Variants in ABCA13 observed in about 807,000 individuals in gnomAD.
ABCA13 encodes ATP-binding cassette sub-family A member 13.
ABCA13 carries 476 observed loss-of-function variants against 478.7 expected under a neutral mutation model. The observed-to-expected ratio is 0.99, with a 90% CI of 0.92 to 1.07. ABCA13 has a LOEUF of 1.07. ABCA13 is among the 50% of genes least tolerant of loss of function. ABCA13 has a pLI of 0.00. For synonymous variants in ABCA13, 2,252 were observed against 2,158.9 expected, an observed-to-expected ratio of 1.04 and a Z score of -1.20; for missense variants, 6,060 against 5,910.6, an observed-to-expected ratio of 1.03 and a Z score of -0.83.
At chr7:48,507,376 C>T (rs1315493751) in intron 49 of ABCA13, among the ~76,000 whole-genome samples, 1 of 152,146 alleles carries the variant, frequency 6.6e-6, no homozygotes, top group Non-Finnish European at 1.5e-5. Flanking sequence ...AGAAAATGTA[C>T]AGTGTATAAT....
chr7:48,382,848 C>T (rs1176704781), intron 35 of ABCA13, among the ~76,000 whole-genome samples: 1 of 151,912 alleles, frequency 6.6e-6, no homozygotes, highest in Non-Finnish European at 1.5e-5. Context: ...GTCCCTCGTA[C>T]CACTAGAGGG....
chr7:48,370,514 A>G (rs563254454), intron 32 of ABCA13, among the ~76,000 whole-genome samples: 1 of 152,294 alleles, frequency 6.6e-6, no homozygotes, highest in East Asian at 1.9e-4. Flanking sequence ...GTTCAGTATA[A>G]TGTTGGCTGT....
chr7:48,593,415 C>T (rs1284376254), intron 57 of ABCA13, among the ~76,000 whole-genome samples: 2 of 151,516 alleles, frequency 1.3e-5, no homozygotes, highest in African/African-American at 4.8e-5. Context: ...TTCCAACCAT[C>T]TCATTTTATG....
chr7:48,348,582 T>C (rs7784325), intron 29 of ABCA13, among the ~76,000 whole-genome samples: 19,601 of 152,242 alleles, frequency 0.13, 1,441 homozygotes, highest in East Asian at 0.31. Flanking sequence ...CTTCAGGCTC[T>C]ACCAAATTGG....
intron 53 of ABCA13, among the ~76,000 whole-genome samples, 162 bp from the exon 54 acceptor site, chr7:48,524,086 T>A (rs1290001317): frequency 1.3e-5 from 2 of 152,208 alleles, no homozygotes; most frequent in Non-Finnish European, 2.9e-5. Context: ...TCTTGCCTGA[T>A]AATCAGGATG....
At chr7:48,436,336 A>C (rs536008426) in intron 42 of ABCA13, among the ~76,000 whole-genome samples, 1 of 151,824 alleles carries the variant, frequency 6.6e-6, no homozygotes, top group East Asian at 1.9e-4. Flanking sequence ...CTATTGTTAT[A>C]ATCTTTTTGT....
chr7:48,434,101 A>C lies in ABCA13; in HGVS notation c.12565+6230A>C, dbSNP rs559763951. ...TTGAGAAATTGCTGTATCATTTTCC[A>C]CAGTGGTTGCACCATTTTACATTCC... On this transcript the variant is annotated intron_variant, in intron 42 of 61. Transcript: ENST00000435803. 2.0e-5 allele frequency among the ~76,000 whole-genome samples: 3 copies of C among 152,098 alleles called. No homozygotes were observed. In the East Asian group the frequency reaches 5.8e-4, roughly 29 times the overall value.
At chr7:48,539,516 A>G (rs117203933) in intron 55 of ABCA13, among the ~76,000 whole-genome samples, 244 of 152,252 alleles carry the variant, frequency 1.6e-3, no homozygotes, top group Admixed American at 5.4e-3. Context: ...TTATTTACCC[A>G]GTTTTCACAA....
chr7:48,183,692 T>TC (rs1276149620), intron 1 of ABCA13, among the ~76,000 whole-genome samples: 3 of 152,192 alleles, frequency 2.0e-5, no homozygotes, highest in South Asian at 2.1e-4. Flanking sequence ...CACTGCTATT[T>TC]CCCCAGTCCC....
At chr7:48,327,059 A>G (rs1197108187) in intron 27 of ABCA13, among the ~76,000 whole-genome samples, 1 of 152,228 alleles carries the variant, frequency 6.6e-6, no homozygotes, top group African/African-American at 2.4e-5. Flanking sequence ...CTCTTTATTG[A>G]GCACTTACTT....
intron 25 of ABCA13, 55 bp downstream of exon 25, chr7:48,313,286 AT>A (rs1802049572): frequency 1.3e-6 from 2 of 1,527,204 alleles, no homozygotes; most frequent in African/African-American, 2.8e-5. Flanking sequence ...CCTTCTTTGT[AT>A]TTGCCCCTTT....
At chr7:48,347,824 C>T (rs772351697) in intron 29 of ABCA13, among the ~76,000 whole-genome samples, 72 of 152,164 alleles carry the variant, frequency 4.7e-4, no homozygotes, top group Non-Finnish European at 9.0e-4. Flanking sequence ...TATTAATAAC[C>T]GTTATACTAG....
chr7:48,640,480 C>T (rs1375309516), intron 59 of ABCA13, among the ~76,000 whole-genome samples: 1 of 151,968 alleles, frequency 6.6e-6, no homozygotes, highest in East Asian at 1.9e-4. Context: ...AATGTTGTAC[C>T]TCAAAAAATT....
At chr7:48,206,763 T>A (rs1270900203) in intron 3 of ABCA13, among the ~76,000 whole-genome samples, 1 of 150,944 alleles carries the variant, frequency 6.6e-6, no homozygotes, top group South Asian at 2.1e-4. Context: ...ATATCCATCA[T>A]CTAAAGTATA....
intron 19 of ABCA13, among the ~76,000 whole-genome samples, chr7:48,286,300 G>A (rs2128797850): frequency 6.6e-6 from 1 of 152,224 alleles, no homozygotes; most frequent in East Asian, 1.9e-4. Context: ...GGGTTTTACT[G>A]CCTGAAAAAT....
At chr7:48,334,495 C>T (rs755907856) in intron 27 of ABCA13, among the ~76,000 whole-genome samples, 13 of 152,212 alleles carry the variant, frequency 8.5e-5, no homozygotes, top group South Asian at 8.3e-4. Context: ...CCACCGTGCC[C>T]GGCTAATTTT....
chr7:48,276,072 G>A lies in ABCA13; in HGVS notation c.6406G>A (p.Glu2136Lys). ...AAACTGGCTTCAGGAATATGCAAAT[G>A]AGGATTACTCCAGAATGATAGAAAC... ...TKNWLQEYAN[E>K]DYSRMIETLF... is the part of the protein sequence containing the mutation. Residue 2136 changes from glutamate (E) to lysine (K), a missense_variant, in exon 17 of 62, where the codon GAG becomes AAG. Glu to Lys is a moderately conservative substitution (Grantham distance 56). Around this residue, in one of 3 missense-constraint regions of ABCA13, gnomAD observed 4,423 missense variants for 4,309.1 expected, o/e 1.03. Transcript: ENST00000435803. 2 of 1,605,756 alleles carry A rather than the reference G, an allele frequency of 1.2e-6. No individual in the cohort carries two copies. The highest frequency in any genetic ancestry group is 1.7e-6 in the Non-Finnish European group (2 of 1,175,646).
intron 1 of ABCA13, among the ~76,000 whole-genome samples, chr7:48,176,914 T>G (rs962508321): frequency 2.0e-5 from 3 of 152,204 alleles, no homozygotes; most frequent in African/African-American, 7.2e-5. Flanking sequence ...AGCTTTTGTG[T>G]GTATATGTGT....
chr7:48,270,978 C>T (rs1204940997), intron 16 of ABCA13, among the ~76,000 whole-genome samples: 2 of 152,158 alleles, frequency 1.3e-5, no homozygotes, highest in Admixed American at 6.5e-5. Flanking sequence ...TATCCTGCGT[C>T]GCGAGATCAT....
Sources: allele counts gnomAD v4.1 joint callset (sites outside exome capture counted in the v4.1 genomes callset), GRCh38; gene constraint gnomAD v4.1.1; regional missense constraint gnomAD v4.1.1; transcripts MANE v1.5; gene names NCBI Gene and HGNC (gene_info 2026-07-23, HGNC 2026-07-21).